TMEM232: variants seen among roughly 807,000 people sequenced by gnomAD.
The protein encoded by TMEM232 is transmembrane protein 232.
TMEM232 carries 80 observed loss-of-function variants against 78.8 expected under a neutral mutation model. The observed-to-expected ratio is 1.01, with a 90% CI of 0.85 to 1.22. The LOEUF is 1.22. TMEM232 is among the 50% of genes most tolerant of loss of function. TMEM232 has a pLI of 0.00. For synonymous variants in TMEM232, 297 were observed against 254.3 expected, an observed-to-expected ratio of 1.17 and a Z score of -1.60; for missense variants, 881 against 742.2, an observed-to-expected ratio of 1.19 and a Z score of -2.17.
intron 12 of TMEM232, among the ~76,000 whole-genome samples, chr5:110,495,533 C>T (rs1159945078): frequency 6.6e-6 from 1 of 151,670 alleles, no homozygotes; most frequent in Non-Finnish European, 1.5e-5. Context: ...TATATTTACC[C>T]CAAATGTCCT....
rs376586455 is a variant in TMEM232, at chr5:110,712,976, C to G, written c.-13+13651G>C. 8.5e-5 allele frequency among the ~76,000 whole-genome samples: 13 copies of G among 152,272 alleles called. 2 individuals carry two copies. The highest frequency in any genetic ancestry group is 5.8e-4 in the East Asian group (3 of 5,184). ...CTGCACTCTCATGTTTGTTATAACA[C>G]TGTCCACAAAGCCAAGATTTGGAAG... On this transcript the variant is annotated intron_variant, in intron 1 of 13. Transcript: ENST00000455884.
At chr5:110,581,805 T>C (rs886077710) in intron 10 of TMEM232, among the ~76,000 whole-genome samples, 2 of 150,334 alleles carry the variant, frequency 1.3e-5, no homozygotes, top group African/African-American at 4.9e-5. Context: ...TTAAACAAAT[T>C]AAAAAGGAAA....
rs145756163 is a variant in TMEM232 at position 110,713,530 on chromosome 5, T to C, written c.-13+13097A>G. Among the ~76,000 whole-genome samples the C allele has an allele frequency of 3.3e-5, 5 of 152,128 alleles. No individual in the cohort carries two copies. In the East Asian group the frequency reaches 9.7e-4, roughly 29 times the overall value. ...TATGTGTCCCATAAATATATACACC[T>C]ACTATGCACCCATAAGAAAAAAAAA... On this transcript the variant is annotated intron_variant, in intron 1 of 13. Transcript: ENST00000455884.
intron 10 of TMEM232, among the ~76,000 whole-genome samples, chr5:110,603,894 C>G (rs1195027820): frequency 6.6e-6 from 1 of 152,050 alleles, no homozygotes; most frequent in Non-Finnish European, 1.5e-5. Flanking sequence ...GTATCTATTT[C>G]TAAAGTCTTA....
At position 110,736,869 on chromosome 5, in the gene TMEM232, T is replaced by G. The variant is rs200368848; in HGVS notation, c.-126+1124A>C. Among the ~76,000 whole-genome samples the G allele has an allele frequency of 1.6e-4, 24 of 152,182 alleles. No individual in the cohort carries two copies. In the East Asian group the frequency reaches 4.5e-3, roughly 28 times the overall value. On this transcript the variant is annotated intron_variant, in intron 1 of 4. Coordinates refer to the TMEM232 transcript ENST00000512886. ...TCACCCTTTCTCACTGGCTACCTAG[T>G]TTGCTATCGGGGCGTTTCTCTTGCT...
chr5:110,529,588 C>A (rs1188703873), intron 11 of TMEM232, among the ~76,000 whole-genome samples: 1 of 151,950 alleles, frequency 6.6e-6, no homozygotes, highest in African/African-American at 2.4e-5. Flanking sequence ...AAGTGAAAAG[C>A]AAATAAGAGC....
intron 12 of TMEM232, among the ~76,000 whole-genome samples, chr5:110,504,571 T>C (rs1194462032): frequency 6.6e-6 from 1 of 152,174 alleles, no homozygotes; most frequent in Non-Finnish European, 1.5e-5. Context: ...AGACCCAGGA[T>C]TGCCAATGTA....
chr5:110,660,906 C>G (rs545760789), intron 2 of TMEM232, among the ~76,000 whole-genome samples: 1 of 152,226 alleles, frequency 6.6e-6, no homozygotes, highest in South Asian at 2.1e-4. Flanking sequence ...TTTAGTCACC[C>G]TATTATGCTC....
chr5:110,567,289 T>C (rs532008403), intron 11 of TMEM232, among the ~76,000 whole-genome samples: 1 of 151,814 alleles, frequency 6.6e-6, no homozygotes, highest in African/African-American at 2.4e-5. Flanking sequence ...TTTATTTTTA[T>C]CTTAAAAATA....
intron 4 of TMEM232, chr5:110,388,119 G>C (rs76779566): frequency 6.6e-6 from 1 of 152,162 alleles, no homozygotes; most frequent in Non-Finnish European, 1.5e-5. Context: ...TCTGAAAAGG[G>C]AAATGTGGCA....
chr5:110,642,516 T>C (rs1786878820), intron 2 of TMEM232, 145 bp from the exon 3 acceptor site: 1 of 569,332 alleles, frequency 1.8e-6, no homozygotes, highest in Non-Finnish European at 2.9e-6. Flanking sequence ...AAAAAATCAG[T>C]AAAAGATACA....
At chr5:110,727,153 G>T (rs1012062556), upstream of TMEM232, among the ~76,000 whole-genome samples, 1 of 152,118 alleles carries the variant, frequency 6.6e-6, no homozygotes, top group Non-Finnish European at 1.5e-5. Flanking sequence ...AAACACAAAA[G>T]AACGCCTCTT....
chr5:110,661,967 T>A (rs1047440945), intron 2 of TMEM232, among the ~76,000 whole-genome samples: 2 of 152,168 alleles, frequency 1.3e-5, no homozygotes, highest in Admixed American at 6.6e-5. Context: ...TCTATTTAGA[T>A]CTTTTGCCCA....
intron 11 of TMEM232, among the ~76,000 whole-genome samples, chr5:110,557,659 G>A (rs770686936): frequency 3.3e-5 from 5 of 152,126 alleles, no homozygotes; most frequent in Non-Finnish European, 7.4e-5. Context: ...GAGGAAGAGA[G>A]AAAGAGGGGA....
In TMEM232 at chr5:110,413,955, AT is replaced by A. The variant is rs560859748; in HGVS notation, n.308+10867del. ...CCATAATCATTGGCCAGAAATAACC[AT>A]ATGACCCACCACAACACAATGGAGC... On this transcript the variant is annotated intron_variant and non_coding_transcript_variant, in intron 2 of 8. Coordinates refer to the TMEM232 transcript ENST00000507188. Among the ~76,000 whole-genome samples, 10 of 152,336 alleles carry A rather than the reference AT, an allele frequency of 6.6e-5. No homozygotes were observed. The South Asian group carries it at 2.1e-3, about 32-fold the overall frequency.
intron 12 of TMEM232, among the ~76,000 whole-genome samples, chr5:110,475,124 A>G (rs1293615150): frequency 1.8e-4 from 27 of 152,040 alleles, no homozygotes; most frequent in Admixed American, 1.8e-3. Flanking sequence ...AAATTATGGT[A>G]TTAGTGTAAG....
intron 2 of TMEM232, among the ~76,000 whole-genome samples, chr5:110,406,261 TATATAC>T (rs1215787422): frequency 1.1e-4 from 6 of 53,394 alleles, no homozygotes; most frequent in African/African-American, 5.3e-4. Context: ...GACACAGATA[TATATAC>T]ACACACACAC....
intron 8 of TMEM232, among the ~76,000 whole-genome samples, chr5:110,607,647 A>G (rs1197405879): frequency 6.6e-6 from 1 of 152,004 alleles, no homozygotes; most frequent in Non-Finnish European, 1.5e-5. Context: ...TTGATTTAAA[A>G]TTGACTGCCT....
intron 1 of TMEM232, among the ~76,000 whole-genome samples, chr5:110,702,790 T>A (rs549991002): frequency 6.6e-6 from 1 of 152,012 alleles, no homozygotes; most frequent in East Asian, 1.9e-4. Flanking sequence ...TAGAAAGCAA[T>A]CCCTTACCTA....
Sources: gnomAD v4.1 joint callset for allele counts (sites outside exome capture counted in the v4.1 genomes callset) on GRCh38, gnomAD v4.1.1 for gene constraint, MANE v1.5 for transcripts, NCBI Gene and HGNC (gene_info 2026-07-23, HGNC 2026-07-21) for gene names.